Variants in SSBP3 observed in about 807,000 individuals in gnomAD.
SSBP3 encodes the protein single-stranded DNA-binding protein 3.
Under a neutral mutation model 69.6 loss-of-function variants are expected in SSBP3, and 5 were observed. The observed-to-expected ratio is 0.07, with a 90% CI of 0.04 to 0.15. The LOEUF is 0.15. SSBP3 is among the 10% of genes least tolerant of loss of function. The pLI is 1.00. For synonymous variants in SSBP3, 196 were observed against 193.4 expected, an observed-to-expected ratio of 1.01 and a Z score of -0.11; for missense variants, 312 against 534.0, an observed-to-expected ratio of 0.58 and a Z score of 4.10.
intron 4 of SSBP3, among the ~76,000 whole-genome samples, chr1:54,306,491 T>G (rs1645903773): frequency 6.6e-6 from 1 of 152,186 alleles, no homozygotes; most frequent in Admixed American, 6.5e-5. Context: ...TGAGGCCATC[T>G]TCAACTCTTA....
intron 4 of SSBP3, among the ~76,000 whole-genome samples, chr1:54,332,947 CGT>C (rs1243056157): frequency 8.6e-5 from 13 of 152,010 alleles, no homozygotes; most frequent in Admixed American, 8.5e-4. Flanking sequence ...CACACACACG[CGT>C]GCGCCTCCTC....
chr1:54,360,937 T>C (rs904845849), intron 4 of SSBP3, among the ~76,000 whole-genome samples: 12 of 130,572 alleles, frequency 9.2e-5, no homozygotes, highest in Non-Finnish European at 1.6e-4. Flanking sequence ...AAAAAAAAAA[T>C]CTGCCAGATG....
intron 4 of SSBP3, among the ~76,000 whole-genome samples, chr1:54,320,079 G>T (rs1646185841): frequency 6.6e-6 from 1 of 152,174 alleles, no homozygotes; most frequent in Non-Finnish European, 1.5e-5. Flanking sequence ...AGAGGGAGGT[G>T]AATCTTCAGA....
intron 4 of SSBP3, among the ~76,000 whole-genome samples, chr1:54,294,044 G>T (rs1645654041): frequency 6.7e-6 from 1 of 149,310 alleles, no homozygotes; most frequent in Admixed American, 6.8e-5. Context: ...GGAGGCTGAA[G>T]TGGGAGAATC....
upstream of SSBP3, among the ~76,000 whole-genome samples, chr1:54,411,167 C>A (rs1649980215): frequency 6.6e-6 from 1 of 152,020 alleles, no homozygotes; most frequent in Non-Finnish European, 1.5e-5. Context: ...TTTTTTCCTA[C>A]CTATTTCCTT....
intron 9 of SSBP3, 123 bp downstream of exon 9, chr1:54,251,493 A>G (rs1246566778): frequency 1.8e-6 from 2 of 1,092,496 alleles, no homozygotes; most frequent in Non-Finnish European, 2.7e-6. Flanking sequence ...GGATGCGGCC[A>G]TGCCCTTCCT....
chr1:54,229,695 A>T (rs1351298688), intron 14 of SSBP3, among the ~76,000 whole-genome samples: 1 of 152,190 alleles, frequency 6.6e-6, no homozygotes, highest in East Asian at 1.9e-4. Context: ...GGGGCGGCTG[A>T]GCCCAGCCTG....
chr1:54,367,993 T>C (rs572073426), intron 4 of SSBP3, among the ~76,000 whole-genome samples: 9 of 152,198 alleles, frequency 5.9e-5, no homozygotes, highest in African/African-American at 1.7e-4. Context: ...GCATAACATA[T>C]ACTCATTTAA....
At chr1:54,243,387 A>G (rs1644676726) in intron 9 of SSBP3, 88 bp from the exon 10 acceptor site, 1 of 1,461,892 alleles carries the variant, frequency 6.8e-7, no homozygotes, top group Non-Finnish European at 9.6e-7. Flanking sequence ...AAACATAGTG[A>G]GAGGGTTAGT....
exon 18 of SSBP3, chr1:54,225,508 T>C (rs1644272234): frequency 9.3e-7 from 1 of 1,074,872 alleles, no homozygotes; most frequent in East Asian, 3.2e-5. Flanking sequence ...CATAATTACT[T>C]TTTTTTCCTC....
chr1:54,362,373 C>T, intron 4 of SSBP3, among the ~76,000 whole-genome samples: 1 of 152,316 alleles, frequency 6.6e-6, no homozygotes, highest in Non-Finnish European at 1.5e-5. Context: ...GGGTCTCTCT[C>T]TCCACAAACC....
intron 5 of SSBP3, among the ~76,000 whole-genome samples, chr1:54,267,066 G>C (rs75933991): frequency 1.3e-5 from 2 of 152,174 alleles, no homozygotes. Flanking sequence ...GGTTCAAACC[G>C]TTTGGACCCT....
intron 13 of SSBP3, 125 bp from the exon 14 acceptor site, chr1:54,239,324 T>C (rs1644562090): frequency 1.4e-6 from 1 of 706,596 alleles, no homozygotes; most frequent in Non-Finnish European, 2.3e-6. Context: ...GTACCACCAT[T>C]TTCTGGCTAA....
chr1:54,383,314 G>A (rs1303691906), intron 4 of SSBP3, among the ~76,000 whole-genome samples: 1 of 151,986 alleles, frequency 6.6e-6, no homozygotes, highest in Non-Finnish European at 1.5e-5. Context: ...GCAGGCGGAG[G>A]TTGTAGTGAG....
chr1:54,336,619 A>T (rs1290027801), intron 4 of SSBP3, among the ~76,000 whole-genome samples: 2 of 152,078 alleles, frequency 1.3e-5, no homozygotes, highest in African/African-American at 2.4e-5. Flanking sequence ...CAAATCCTAA[A>T]AGGCTTCTCA....
intron 5 of SSBP3, among the ~76,000 whole-genome samples, chr1:54,272,922 G>C (rs113042556): frequency 0.012 from 1,829 of 152,322 alleles, 33 homozygotes; most frequent in African/African-American, 0.039. Flanking sequence ...GCTTCGCCAG[G>C]AGCAGCAGCA....
At chr1:54,268,058 A>G (rs896949595) in intron 5 of SSBP3, among the ~76,000 whole-genome samples, 7 of 152,184 alleles carry the variant, frequency 4.6e-5, no homozygotes, top group African/African-American at 1.7e-4. Context: ...GCTGGCACAG[A>G]AGCTAGGAAT....
intron 9 of SSBP3, among the ~76,000 whole-genome samples, chr1:54,245,555 G>C (rs1244349827): frequency 6.6e-6 from 1 of 152,220 alleles, no homozygotes. Context: ...TGCTCCGCTT[G>C]CTCAGCCACA....
chr1:54,346,615 C>T (rs1227417186), intron 4 of SSBP3, among the ~76,000 whole-genome samples: 1 of 152,018 alleles, frequency 6.6e-6, no homozygotes, highest in Non-Finnish European at 1.5e-5. Context: ...GAGATCGAGA[C>T]CATCCTGACT....
Sources: allele counts gnomAD v4.1 joint callset (sites outside exome capture counted in the v4.1 genomes callset), GRCh38; gene constraint gnomAD v4.1.1; transcripts MANE v1.5; gene names NCBI Gene and HGNC (gene_info 2026-07-23, HGNC 2026-07-21).